Variants in FGD4 observed in about 807,000 individuals in gnomAD.
FGD4 encodes FYVE, RhoGEF and PH domain-containing protein 4.
Under a neutral mutation model 102.0 loss-of-function variants are expected in FGD4, and 42 were observed. That is an observed-to-expected ratio of 0.41 (90% CI 0.32 to 0.53). The LOEUF (loss-of-function observed/expected upper bound fraction) is 0.53. Among genes scored for constraint, FGD4 ranks in the 20% least tolerant of loss-of-function variants. The probability of loss-of-function intolerance (pLI) is 0.21; values close to 1 mark genes in which losing one functional copy is unlikely to be tolerated. For synonymous variants in FGD4, 380 were observed against 375.7 expected (o/e 1.01, Z -0.13); for missense variants, 902 against 1,078.2 (o/e 0.84, Z 2.29).
intron 5 of FGD4, among the ~76,000 whole-genome samples, chr12:32,599,085 G>A (rs1308482464): frequency 6.6e-6 from 1 of 152,104 alleles, no homozygotes; most frequent in African/African-American, 2.4e-5. Flanking sequence ...GCATAAAGTT[G>A]CCCAGCTGAT....
chr12:32,630,632 A>G (rs116060693), intron 14 of FGD4, among the ~76,000 whole-genome samples: 2,162 of 152,204 alleles, frequency 0.014, 55 homozygotes, highest in African/African-American at 0.049. Context: ...GCACATGCAC[A>G]TGGTGAAACC....
At chr12:32,451,678 G>A (rs1306839350) in intron 1 of FGD4, among the ~76,000 whole-genome samples, 4 of 151,408 alleles carry the variant, frequency 2.6e-5, no homozygotes, top group Non-Finnish European at 4.4e-5. Flanking sequence ...AGGCCGAGGC[G>A]GGTGGATCAC....
chr12:32,628,181 A>G (rs965838697), intron 14 of FGD4, among the ~76,000 whole-genome samples: 2 of 152,172 alleles, frequency 1.3e-5, no homozygotes, highest in Non-Finnish European at 1.5e-5. Context: ...ATGATCCGTT[A>G]GTGAGAAATT....
In FGD4 at chr12:32,641,272, G is replaced by A. The variant is rs1442389089; in HGVS notation, c.*739G>A. The A allele has an allele frequency of 6.6e-6, 1 of 151,964 alleles. No individual in the cohort carries two copies. Among genetic ancestry groups the A allele is most frequent in the Non-Finnish European group, 1.5e-5 (1 of 67,962 alleles). 9.4% of individuals were successfully genotyped at this position (151,964 alleles called of 1,614,324 possible). On this transcript the variant is annotated 3_prime_UTR_variant, in exon 17 of 17. Coordinates refer to ENST00000534526, the MANE Select transcript of FGD4 (RefSeq NM_001370298.3). Reference sequence around the variant, plus strand: ...ATGTTCTAAACTGAAGAAATGTTTTGGTGATTTATGTTTTGCTGATTGGCA... The same window carrying A: ...ATGTTCTAAACTGAAGAAATGTTTTAGTGATTTATGTTTTGCTGATTGGCA...
At chr12:32,637,133 C>CCTGCCT (rs1950883278) in intron 15 of FGD4, among the ~76,000 whole-genome samples, 2 of 149,426 alleles carry the variant, frequency 1.3e-5, no homozygotes. Flanking sequence ...AAGTGATCTA[C>CCTGCCT]CTGCCTCTGC....
At chr12:32,573,169 C>CACT (rs1945818770) in intron 2 of FGD4, among the ~76,000 whole-genome samples, 1 of 152,172 alleles carries the variant, frequency 6.6e-6, no homozygotes, top group Non-Finnish European at 1.5e-5. Context: ...GATCTCGGCT[C>CACT]ACTGGAAGCT....
At chr12:32,525,218 G>A (rs1267077106) in intron 1 of FGD4, among the ~76,000 whole-genome samples, 3 of 152,152 alleles carry the variant, frequency 2.0e-5, no homozygotes, top group Non-Finnish European at 4.4e-5. Flanking sequence ...CCTGGCTTGG[G>A]CAGGTGCAAG....
intron 1 of FGD4, among the ~76,000 whole-genome samples, chr12:32,440,784 C>T (rs1228725829): frequency 3.3e-5 from 5 of 152,210 alleles, no homozygotes; most frequent in African/African-American, 1.2e-4. Context: ...AGCCAGAAGT[C>T]AGGAACTAGA....
At chr12:32,472,867 T>G (rs1943456144) in intron 1 of FGD4, among the ~76,000 whole-genome samples, 1 of 152,210 alleles carries the variant, frequency 6.6e-6, no homozygotes, top group Non-Finnish European at 1.5e-5. Flanking sequence ...CGACACTGTA[T>G]CTAGCTGCTC....
intron 15 of FGD4, among the ~76,000 whole-genome samples, chr12:32,636,074 G>A (rs1950794293): frequency 6.6e-6 from 1 of 151,140 alleles, no homozygotes. Flanking sequence ...GAATTCTTTG[G>A]GGGAGGATAA....
chr12:32,406,564 A>T (rs1049810257), intron 1 of FGD4, among the ~76,000 whole-genome samples: 22 of 150,856 alleles, frequency 1.5e-4, no homozygotes, highest in East Asian at 1.0e-3. Context: ...AAAAAAATTT[A>T]AAAAAAAAGA....
At chr12:32,459,171 T>C (rs1163047669) in intron 1 of FGD4, among the ~76,000 whole-genome samples, 5 of 151,200 alleles carry the variant, frequency 3.3e-5, no homozygotes, top group East Asian at 3.9e-4. Context: ...TTGTGTTTAT[T>C]TGGGATGTTT....
At chr12:32,471,080 A>G (rs376258902) in intron 1 of FGD4, among the ~76,000 whole-genome samples, 5 of 152,200 alleles carry the variant, frequency 3.3e-5, no homozygotes, top group Non-Finnish European at 5.9e-5. Flanking sequence ...GTCCTTGGAC[A>G]TCGGAACCCC....
At chr12:32,402,941 T>C (rs1013919385) in intron 1 of FGD4, among the ~76,000 whole-genome samples, 3 of 152,110 alleles carry the variant, frequency 2.0e-5, no homozygotes, top group Non-Finnish European at 2.9e-5. Context: ...CCCTATTAGT[T>C]CAATAGTATC....
At chr12:32,453,873 A>G (rs191892625) in intron 1 of FGD4, among the ~76,000 whole-genome samples, 15 of 152,216 alleles carry the variant, frequency 9.9e-5, no homozygotes, top group Admixed American at 5.2e-4. Flanking sequence ...ATGGATCAAA[A>G]CTATCTTTAT....
intron 14 of FGD4, among the ~76,000 whole-genome samples, chr12:32,626,461 A>G (rs983456925): frequency 6.0e-5 from 9 of 150,956 alleles, no homozygotes; most frequent in East Asian, 1.9e-4. Flanking sequence ...AAAAAAAAAA[A>G]AAAAGGGGGT....
chr12:32,629,612 A>G (rs1950379839), intron 14 of FGD4, among the ~76,000 whole-genome samples: 1 of 151,716 alleles, frequency 6.6e-6, no homozygotes, highest in African/African-American at 2.4e-5. Context: ...TCCATCTTCC[A>G]TGTCTCTCCT....
At chr12:32,513,368 T>C (rs1412383135) in intron 1 of FGD4, among the ~76,000 whole-genome samples, 1 of 152,204 alleles carries the variant, frequency 6.6e-6, no homozygotes, top group African/African-American at 2.4e-5. Flanking sequence ...ATCTGTAAGA[T>C]AAATGGCACC....
At chr12:32,428,993 T>G (rs187176219) in intron 1 of FGD4, among the ~76,000 whole-genome samples, 3 of 152,194 alleles carry the variant, frequency 2.0e-5, no homozygotes, top group Admixed American at 2.0e-4. Flanking sequence ...CTCAGAGGAG[T>G]TTTTTATCAC....
Sources: allele counts gnomAD v4.1 joint callset (sites outside exome capture counted in the v4.1 genomes callset), GRCh38; gene constraint gnomAD v4.1.1; transcripts MANE v1.5; gene names NCBI Gene and HGNC (gene_info 2026-07-23, HGNC 2026-07-21).